The following TSHZ2 variants were observed in gnomAD, a reference collection of about 807,000 sequenced individuals.
The protein encoded by TSHZ2 is teashirt zinc finger homeobox 2.
A neutral mutation model predicts 74.4 loss-of-function variants in TSHZ2; 21 were observed. The ratio of observed to expected loss-of-function variants is 0.28; its 90% CI spans 0.20 to 0.41. TSHZ2 has a LOEUF of 0.41. Among genes scored for constraint, TSHZ2 ranks in the 10% least tolerant of loss-of-function variants. The pLI is 1.00. For missense variants in TSHZ2, 1,244 were observed against 1,293.5 expected, an observed-to-expected ratio of 0.96 and a Z score of 0.59; for synonymous variants, 540 against 515.3, an observed-to-expected ratio of 1.05 and a Z score of -0.65.
At chr20:53,409,849 T>C (rs1982987169) in intron 2 of TSHZ2, among the ~76,000 whole-genome samples, 3 of 133,756 alleles carry the variant, frequency 2.2e-5, no homozygotes, top group Admixed American at 1.5e-4. Flanking sequence ...TTTTTTTTTT[T>C]TTTTTTTTTT....
chr20:53,043,381 T>C (rs954297200), intron 1 of TSHZ2, among the ~76,000 whole-genome samples: 1 of 152,154 alleles, frequency 6.6e-6, no homozygotes, highest in Non-Finnish European at 1.5e-5. Context: ...TGGCATCTAT[T>C]AGGTAGAGAC....
chr20:53,440,682 G>A (rs1358531520), intron 2 of TSHZ2, among the ~76,000 whole-genome samples: 2 of 152,124 alleles, frequency 1.3e-5, no homozygotes, highest in Non-Finnish European at 2.9e-5. Context: ...TGGGGAGGAA[G>A]CTTTAAAAAT....
At chr20:53,282,018 C>T (rs1351135682) in intron 2 of TSHZ2, among the ~76,000 whole-genome samples, 4 of 152,202 alleles carry the variant, frequency 2.6e-5, no homozygotes, top group African/African-American at 9.6e-5. Context: ...ACTCAGAAGC[C>T]AGACGTGGGC....
At chr20:53,403,619 C>T (rs975277432) in intron 2 of TSHZ2, among the ~76,000 whole-genome samples, 11 of 152,124 alleles carry the variant, frequency 7.2e-5, no homozygotes, top group Non-Finnish European at 1.2e-4. Context: ...AGTGTGTGTG[C>T]GGTACACATG....
At chr20:53,354,359 A>G (rs1980764836) in intron 2 of TSHZ2, among the ~76,000 whole-genome samples, 2 of 152,212 alleles carry the variant, frequency 1.3e-5, no homozygotes, top group African/African-American at 4.8e-5. Context: ...CTTTTAGGAG[A>G]TCTTCTTGAT....
At chr20:53,451,280 A>G (rs2145783113) in intron 2 of TSHZ2, among the ~76,000 whole-genome samples, 1 of 152,368 alleles carries the variant, frequency 6.6e-6, no homozygotes, top group South Asian at 2.1e-4. Flanking sequence ...ACACCTACTC[A>G]TGCAACAGAG....
intron 1 of TSHZ2, among the ~76,000 whole-genome samples, chr20:53,094,621 G>A (rs562100624): frequency 4.6e-5 from 7 of 152,254 alleles, no homozygotes; most frequent in Middle Eastern, 3.4e-3. Flanking sequence ...TCTGCCTGGC[G>A]TACTCTTGCT....
intron 2 of TSHZ2, among the ~76,000 whole-genome samples, chr20:53,326,141 C>A (rs963469006): frequency 6.6e-6 from 1 of 152,196 alleles, no homozygotes; most frequent in Non-Finnish European, 1.5e-5. Context: ...GCCTCTTTCT[C>A]GGCTTTATGC....
Position 53,357,515 on chromosome 20 carries a change from A to T in TSHZ2, c.*8+100944A>T, listed in dbSNP as rs552484689. 1.3e-4 allele frequency among the ~76,000 whole-genome samples: 20 copies of T among 152,282 alleles called. No homozygotes were observed. In the East Asian group the frequency reaches 3.7e-3, roughly 28 times the overall value. ...CGCTGTCTCTATTTTATTAAAAAAAAAATAAAATTAAATAAAATAACCCCC... is the reference window on the plus strand; with the variant it reads ...CGCTGTCTCTATTTTATTAAAAAAATAATAAAATTAAATAAAATAACCCCC... On this transcript the variant is annotated intron_variant, in intron 2 of 2. Transcript: ENST00000371497.
At chr20:53,114,937 A>G (rs1361774288) in intron 1 of TSHZ2, among the ~76,000 whole-genome samples, 1 of 152,200 alleles carries the variant, frequency 6.6e-6, no homozygotes, top group Non-Finnish European at 1.5e-5. Flanking sequence ...AGAGGCAGGA[A>G]AAAACTTGGG....
intron 2 of TSHZ2, among the ~76,000 whole-genome samples, chr20:53,414,519 G>T (rs6126834): frequency 0.094 from 14,344 of 152,116 alleles, 1,069 homozygotes; most frequent in East Asian, 0.29. Context: ...TACTCAAGAG[G>T]CTGAGGTAGG....
At chr20:53,450,665 A>G (rs1337053233) in intron 2 of TSHZ2, among the ~76,000 whole-genome samples, 1 of 152,142 alleles carries the variant, frequency 6.6e-6, no homozygotes, top group East Asian at 1.9e-4. Context: ...CTGGGATTAC[A>G]GGCATGTGCC....
At chr20:53,293,112 C>T (rs1282186706) in intron 2 of TSHZ2, among the ~76,000 whole-genome samples, 1 of 152,228 alleles carries the variant, frequency 6.6e-6, no homozygotes, top group Non-Finnish European at 1.5e-5. Context: ...CTCTTAAGCA[C>T]AGATTGTATG....
At chr20:53,154,298 T>C (rs867166350) in intron 1 of TSHZ2, among the ~76,000 whole-genome samples, 4 of 148,654 alleles carry the variant, frequency 2.7e-5, no homozygotes. Flanking sequence ...CCAAAAAAAA[T>C]TTTTTTAAGA....
Position 53,079,385 on chromosome 20 carries a change from A to T in TSHZ2, c.40+106052A>T, listed in dbSNP as rs980355121. Among the ~76,000 whole-genome samples, 2 of 152,350 alleles carry T rather than the reference A, an allele frequency of 1.3e-5. 1 individual carries two copies. The highest frequency in any genetic ancestry group is 3.9e-4 in the East Asian group (2 of 5,186). ...GTGCATATCTCATGCGGGTTGCCAG[A>T]CAGTGGTTAACGTAGACAGTGACAT... On this transcript the variant is annotated intron_variant, in intron 1 of 2. Coordinates refer to ENST00000371497, the MANE Select transcript of TSHZ2 (RefSeq NM_173485.6).
chr20:53,003,255 G>GGTGTGTGT (rs11468763), intron 1 of TSHZ2, among the ~76,000 whole-genome samples: 2,774 of 139,550 alleles, frequency 0.02, 27 homozygotes, highest in African/African-American at 0.036. Context: ...CTCCAGGGAT[G>GGTGTGTGT]GTGTGTGTGT....
rs559493753 is a variant in TSHZ2 at position 53,458,773 on chromosome 20, C to T, written c.*9-28371C>T. 7.2e-5 allele frequency among the ~76,000 whole-genome samples: 11 copies of T among 152,056 alleles called. No homozygotes were observed. The East Asian group carries it at 1.4e-3, about 19-fold the overall frequency. ...TTCTGGTATGTTGTGTCTTTGTTCT[C>T]GTTGGTTTCAAAGAACATCTTCATT... is the stretch of plus-strand genomic sequence containing the variant. On this transcript the variant is annotated intron_variant, in intron 2 of 2. Transcript: ENST00000371497.
At position 52,996,354 on chromosome 20, in the gene TSHZ2, A is replaced by ATTTATTT. The variant is rs1568710882; in HGVS notation, c.40+23021_40+23022insTTTATTT. 3.8e-5 allele frequency among the ~76,000 whole-genome samples: 5 copies of ATTTATTT among 130,268 alleles called. No individual in the cohort carries two copies. The East Asian group carries it at 7.8e-4, about 20-fold the overall frequency. 85.5% of individuals were successfully genotyped at this position (130,268 alleles called of 152,430 possible). On this transcript the variant is annotated intron_variant, in intron 1 of 2. Coordinates refer to ENST00000371497, the MANE Select transcript of TSHZ2 (RefSeq NM_173485.6). ...TTATTTATTTATTTATTTATTTATT[A>ATTTATTT]GGCAAAATGGGAATTGAGAAGCCTG...
At chr20:53,038,023 C>A (rs557501472) in intron 1 of TSHZ2, among the ~76,000 whole-genome samples, 1 of 151,654 alleles carries the variant, frequency 6.6e-6, no homozygotes, top group East Asian at 1.9e-4. Context: ...GCTTGGACAG[C>A]GTGTTTAGTG....
Sources: allele counts gnomAD v4.1 joint callset (sites outside exome capture counted in the v4.1 genomes callset), GRCh38; gene constraint gnomAD v4.1.1; transcripts MANE v1.5; gene names NCBI Gene and HGNC (gene_info 2026-07-23, HGNC 2026-07-21).